Variants in MTMR12 observed in about 807,000 individuals in gnomAD.
MTMR12 encodes myotubularin related protein 12, also known as myotubularin-related protein 12.
Under a neutral mutation model 96.7 loss-of-function variants are expected in MTMR12, and 33 were observed. The ratio of observed to expected loss-of-function variants is 0.34; its 90% CI spans 0.26 to 0.46. The LOEUF (loss-of-function observed/expected upper bound fraction) is 0.46, where lower values mean the gene tolerates loss of function less well. Ranked by LOEUF, MTMR12 falls within the 20% of genes least tolerant of loss-of-function variation. MTMR12 has a pLI of 1.00. For synonymous variants in MTMR12, 298 were observed against 327.2 expected, an observed-to-expected ratio of 0.91 and a Z score of 0.96; for missense variants, 721 against 896.1, an observed-to-expected ratio of 0.80 and a Z score of 2.49.
At chr5:32,292,013 C>T (rs552169220) in intron 1 of MTMR12, among the ~76,000 whole-genome samples, 3 of 152,340 alleles carry the variant, frequency 2.0e-5, no homozygotes, top group East Asian at 3.9e-4. Context: ...GTATTCCACA[C>T]AGCATTGCCT....
chr5:32,307,845 T>C (rs1167203351), intron 1 of MTMR12, among the ~76,000 whole-genome samples: 1 of 152,230 alleles, frequency 6.6e-6, no homozygotes, highest in African/African-American at 2.4e-5. Flanking sequence ...TCTTGACAGA[T>C]TCTCTGGCAT....
chr5:32,252,700 A>T (rs1046186561), intron 8 of MTMR12, among the ~76,000 whole-genome samples: 1 of 152,244 alleles, frequency 6.6e-6, no homozygotes, highest in African/African-American at 2.4e-5. Context: ...ATTTTAAAAC[A>T]ATAATTACCA....
chr5:32,248,579 C>T (rs375878914), intron 9 of MTMR12, among the ~76,000 whole-genome samples, 193 bp downstream of exon 9: 22 of 152,278 alleles, frequency 1.4e-4, no homozygotes, highest in East Asian at 5.8e-4. Context: ...CTAAAAACGA[C>T]GCAGGTGACA....
At chr5:32,254,233 C>T (rs1749057090) in intron 8 of MTMR12, among the ~76,000 whole-genome samples, 1 of 152,184 alleles carries the variant, frequency 6.6e-6, no homozygotes, top group South Asian at 2.1e-4. Flanking sequence ...AAGATCCTTT[C>T]AGGTGGTCTG....
intron 8 of MTMR12, among the ~76,000 whole-genome samples, chr5:32,255,065 G>C (rs1749085800): frequency 6.6e-6 from 1 of 152,140 alleles, no homozygotes; most frequent in Non-Finnish European, 1.5e-5. Context: ...ACGTGACCCT[G>C]CTTAACCATA....
At position 32,255,569 on chromosome 5, in the gene MTMR12, T is replaced by G. The variant is rs1010189004; in HGVS notation, c.789+124A>C. On this transcript the variant is annotated intron_variant, in intron 8 of 15. Coordinates refer to ENST00000382142, the MANE Select transcript of MTMR12 (RefSeq NM_001040446.3). ...CTCTTCTAGGGAGTCCCTAAGATAT[T>G]TCTGGATTGTTCTTGGACTGAAAAC... 1.7e-5 allele frequency: 15 copies of G among 875,886 alleles called. No homozygotes were observed. The African/African-American group carries it at 2.4e-4, about 14-fold the overall frequency. 54.3% of individuals were successfully genotyped at this position (875,886 alleles called of 1,614,324 possible). A position where few individuals can be genotyped will look rare whatever the true frequency, so the allele number is the denominator to read the frequency against.
intron 1 of MTMR12, among the ~76,000 whole-genome samples, chr5:32,281,148 T>A (rs1750275972): frequency 6.6e-6 from 1 of 150,530 alleles, no homozygotes; most frequent in Admixed American, 6.7e-5. Flanking sequence ...CTCGGGAGGC[T>A]GAGGCACGAA....
chr5:32,248,922 C>T, intron 8 of MTMR12, 44 bp from the exon 9 acceptor site: 3 of 1,446,012 alleles, frequency 2.1e-6, no homozygotes, highest in Non-Finnish European at 2.9e-6. Flanking sequence ...TAAACACAAC[C>T]CAACAGGGGA....
At chr5:32,261,791 G>C (rs1401562316) in intron 7 of MTMR12, among the ~76,000 whole-genome samples, 3 of 152,192 alleles carry the variant, frequency 2.0e-5, no homozygotes, top group Admixed American at 6.5e-5. Context: ...GGAAGAAAAA[G>C]GCCGGGCGCA....
At chr5:32,235,216 G>A (rs1414757093) in intron 13 of MTMR12, 87 bp from the exon 14 acceptor site, 24 of 1,278,656 alleles carry the variant, frequency 1.9e-5, no homozygotes, top group Admixed American at 1.0e-4. Flanking sequence ...CAACAGCTGT[G>A]GAATAAGCAC....
At chr5:32,269,438 C>T (rs572305458) in intron 5 of MTMR12, among the ~76,000 whole-genome samples, 2 of 151,856 alleles carry the variant, frequency 1.3e-5, no homozygotes, top group South Asian at 2.1e-4. Flanking sequence ...TGAGTAGCTG[C>T]GATTATAGGC....
chr5:32,229,759 C>CGA lies in MTMR12; in HGVS notation c.*18_*19insTC, dbSNP rs753692523. On this transcript the variant is annotated 3_prime_UTR_variant, in exon 16 of 16. Coordinates refer to ENST00000382142, the MANE Select transcript of MTMR12 (RefSeq NM_001040446.3). ...CCCAATCTCCCACATTCCTCTTTCA[C>CGA]AATCACTCAACAAACAGGTCACACA... 7.3e-6 allele frequency: 11 copies of CGA among 1,496,820 alleles called. No homozygotes were observed. Among genetic ancestry groups the CGA allele is most frequent in the Non-Finnish European group, 9.8e-6 (11 of 1,122,228 alleles). 92.7% of individuals were successfully genotyped at this position (1,496,820 alleles called of 1,614,324 possible). A position where few individuals can be genotyped will look rare whatever the true frequency, so the allele number is the denominator to read the frequency against.
At chr5:32,237,799 C>T (rs1185511604) in intron 13 of MTMR12, among the ~76,000 whole-genome samples, 6 of 151,834 alleles carry the variant, frequency 4.0e-5, no homozygotes, top group Admixed American at 6.5e-5. Flanking sequence ...TGGGAGCCAC[C>T]GTGCCTGGCC....
At chr5:32,296,398 C>A in intron 1 of MTMR12, 1 of 222,406 alleles carries the variant, frequency 4.5e-6, no homozygotes, top group South Asian at 4.4e-5. Context: ...AAGATTGCTT[C>A]AGCCCAGGAG....
intron 15 of MTMR12, among the ~76,000 whole-genome samples, chr5:32,231,873 A>T (rs1283150222): frequency 6.6e-6 from 1 of 152,158 alleles, no homozygotes. Flanking sequence ...ACTCACATTC[A>T]CTGAGCACCT....
rs1401633051 is a variant in MTMR12, at chr5:32,276,759, A to C, written c.82-17T>G. On this transcript the variant is annotated splice_polypyrimidine_tract_variant and intron_variant, in intron 1 of 15. Transcript: ENST00000382142. Reference sequence around the variant, plus strand: ...GTGAATTTCCTAAAAGAGAAGAGCAAAGGATATTTTTCTTTGTTTAAGGGT... The same window carrying C: ...GTGAATTTCCTAAAAGAGAAGAGCACAGGATATTTTTCTTTGTTTAAGGGT... 6.2e-7 allele frequency: 1 copy of C among 1,608,446 alleles called. No individual in the cohort carries two copies. The highest frequency in any genetic ancestry group is 8.5e-7 in the Non-Finnish European group (1 of 1,175,110).
At chr5:32,244,523 G>A (rs1015312945) in intron 10 of MTMR12, among the ~76,000 whole-genome samples, 5 of 152,080 alleles carry the variant, frequency 3.3e-5, no homozygotes, top group East Asian at 1.9e-4. Context: ...CCAGGGTGGC[G>A]GAGGTTACAG....
intron 1 of MTMR12, among the ~76,000 whole-genome samples, chr5:32,299,360 A>G (rs992517819): frequency 6.6e-6 from 1 of 152,168 alleles, no homozygotes; most frequent in African/African-American, 2.4e-5. Flanking sequence ...CTTAACTACC[A>G]CATTATACTG....
At chr5:32,264,390 A>C (rs756528055) in intron 6 of MTMR12, among the ~76,000 whole-genome samples, 3 of 152,238 alleles carry the variant, frequency 2.0e-5, no homozygotes, top group Non-Finnish European at 4.4e-5. Context: ...CATAGCAAAA[A>C]TAAGAATAAT....
Sources: allele counts gnomAD v4.1 joint callset (sites outside exome capture counted in the v4.1 genomes callset), GRCh38; gene constraint gnomAD v4.1.1; transcripts MANE v1.5; gene names NCBI Gene and HGNC (gene_info 2026-07-23, HGNC 2026-07-21).